Variants in RBFOX1 observed in about 807,000 individuals in gnomAD.
The protein encoded by RBFOX1 is RNA binding fox-1 homolog 1.
A neutral mutation model predicts 57.7 loss-of-function variants in RBFOX1; 8 were observed. The observed-to-expected ratio is 0.14, with a 90% confidence interval of 0.08 to 0.25. RBFOX1 has a LOEUF of 0.25. Ranked by LOEUF, RBFOX1 falls within the 10% of genes least tolerant of loss-of-function variation. RBFOX1 has a pLI of 1.00. For synonymous variants in RBFOX1, 326 were observed against 222.4 expected, an observed-to-expected ratio of 1.47 and a Z score of -4.15; for missense variants, 611 against 548.5, an observed-to-expected ratio of 1.11 and a Z score of -1.14.
chr16:6,647,116 C>G (rs1312644280), intron 2 of RBFOX1, among the ~76,000 whole-genome samples: 1 of 152,176 alleles, frequency 6.6e-6, no homozygotes, highest in Non-Finnish European at 1.5e-5. Context: ...CTCTTCCTGG[C>G]TTGTAGTCAG....
intron 3 of RBFOX1, among the ~76,000 whole-genome samples, chr16:6,888,183 T>A (rs190628945): frequency 6.6e-6 from 1 of 152,296 alleles, no homozygotes; most frequent in Admixed American, 6.5e-5. Flanking sequence ...TTTTGAACAT[T>A]TTATTTCTTT....
chr16:5,244,923 G>A (rs2062259467), intron 1 of RBFOX1, among the ~76,000 whole-genome samples: 1 of 152,248 alleles, frequency 6.6e-6, no homozygotes, highest in Admixed American at 6.5e-5. Flanking sequence ...AGTGGGGGCT[G>A]TGTTGCCCTG....
chr16:6,028,509 TAAAA>T (rs36218292), intron 1 of RBFOX1, among the ~76,000 whole-genome samples: 65 of 104,514 alleles, frequency 6.2e-4, no homozygotes, highest in Non-Finnish European at 3.9e-4. Context: ...CTGTCTCTGT[TAAAA>T]AAAAAAAAAA....
At chr16:7,323,619 C>G (rs560902947) in intron 4 of RBFOX1, among the ~76,000 whole-genome samples, 1 of 152,202 alleles carries the variant, frequency 6.6e-6, no homozygotes, top group Non-Finnish European at 1.5e-5. Context: ...TTCACTTCCC[C>G]TCTCATGGTC....
At chr16:6,249,308 C>G (rs914405541) in intron 1 of RBFOX1, among the ~76,000 whole-genome samples, 3 of 152,046 alleles carry the variant, frequency 2.0e-5, no homozygotes, top group Non-Finnish European at 4.4e-5. Context: ...AGATGGATCA[C>G]GAGGTCAGGA....
At chr16:6,111,697 C>A (rs529343619) in intron 1 of RBFOX1, among the ~76,000 whole-genome samples, 2 of 152,214 alleles carry the variant, frequency 1.3e-5, no homozygotes, top group Admixed American at 1.3e-4. Flanking sequence ...GAGTTTAATT[C>A]TGGGGCAAAA....
At chr16:7,358,845 C>T (rs746458407) in intron 4 of RBFOX1, among the ~76,000 whole-genome samples, 2 of 152,198 alleles carry the variant, frequency 1.3e-5, no homozygotes, top group African/African-American at 4.8e-5. Flanking sequence ...GACTTATCTA[C>T]ATAATACGAG....
chr16:6,885,611 C>T (rs564057094), intron 3 of RBFOX1, among the ~76,000 whole-genome samples: 2 of 151,930 alleles, frequency 1.3e-5, no homozygotes, highest in South Asian at 2.1e-4. Context: ...GGCTCACTGC[C>T]ACCTCTGCCT....
Position 6,680,616 on chromosome 16 carries a change from T to TA in RBFOX1, c.-16+25970dup, listed in dbSNP as rs2058508403. Among the ~76,000 whole-genome samples the TA allele has an allele frequency of 2.0e-5, 3 of 152,308 alleles. 1 individual carries two copies. The South Asian group carries it at 6.2e-4, about 32-fold the overall frequency. On this transcript the variant is annotated intron_variant, in intron 3 of 15. Coordinates refer to ENST00000550418, the MANE Select transcript of RBFOX1 (RefSeq NM_018723.4). ...AGATGATTTGACTTGAGTTTTATTC[T>TA]AAAATAACAATAAAGTTTCAATTTT... is the stretch of plus-strand genomic sequence containing the variant.
upstream of RBFOX1, among the ~76,000 whole-genome samples, chr16:6,015,581 C>T (rs2094988548): frequency 6.6e-6 from 1 of 152,222 alleles, no homozygotes; most frequent in African/African-American, 2.4e-5. Flanking sequence ...CATTGTCCAG[C>T]CCCTTAACTT....
At chr16:5,579,814 C>T (rs115558497) in intron 2 of RBFOX1, among the ~76,000 whole-genome samples, 2,010 of 151,254 alleles carry the variant, frequency 0.013, 59 homozygotes, top group African/African-American at 0.046. Context: ...GGCTGGGGTG[C>T]AGTCACTCGA....
chr16:6,121,807 T>C (rs1477243730), intron 1 of RBFOX1, among the ~76,000 whole-genome samples: 1 of 152,206 alleles, frequency 6.6e-6, no homozygotes, highest in East Asian at 1.9e-4. Flanking sequence ...AAGGAATAAC[T>C]AATGGTACCT....
intron 1 of RBFOX1, among the ~76,000 whole-genome samples, chr16:6,049,773 C>A (rs1301762871): frequency 1.3e-5 from 2 of 152,252 alleles, no homozygotes; most frequent in East Asian, 3.9e-4. Context: ...ATTTGCATTT[C>A]CCCTTGCCCC....
intron 2 of RBFOX1, among the ~76,000 whole-genome samples, chr16:5,470,983 C>T (rs562937281): frequency 6.6e-6 from 1 of 152,160 alleles, no homozygotes; most frequent in Non-Finnish European, 1.5e-5. Context: ...TCCTAAGTAG[C>T]TGGGATGACA....
intron 3 of RBFOX1, among the ~76,000 whole-genome samples, chr16:7,024,955 C>T (rs1368593949): frequency 6.6e-6 from 1 of 152,106 alleles, no homozygotes; most frequent in African/African-American, 2.4e-5. Flanking sequence ...ACAGGACATT[C>T]ACAGGCCACA....
chr16:7,445,780 G>T (rs1006796573), intron 4 of RBFOX1, among the ~76,000 whole-genome samples: 2 of 152,150 alleles, frequency 1.3e-5, no homozygotes, highest in Non-Finnish European at 2.9e-5. Context: ...CCCAAAGACT[G>T]ATATCCCAAA....
chr16:6,240,025 T>C (rs1043243534), intron 1 of RBFOX1, among the ~76,000 whole-genome samples: 1 of 152,132 alleles, frequency 6.6e-6, no homozygotes, highest in Non-Finnish European at 1.5e-5. Flanking sequence ...GGCTTGGTGC[T>C]GTCTTCATGA....
intron 3 of RBFOX1, among the ~76,000 whole-genome samples, chr16:7,037,320 T>C (rs547415300): frequency 7.5e-6 from 1 of 133,822 alleles, no homozygotes; most frequent in African/African-American, 2.8e-5. Context: ...TGGCTCACCA[T>C]AACCTCCACT....
At chr16:6,861,009 C>T (rs1231958110) in intron 3 of RBFOX1, among the ~76,000 whole-genome samples, 1 of 152,062 alleles carries the variant, frequency 6.6e-6, no homozygotes, top group African/African-American at 2.4e-5. Context: ...GTAAGTTCAG[C>T]AGTATGCCCA....
Sources: allele counts gnomAD v4.1 joint callset (sites outside exome capture counted in the v4.1 genomes callset), GRCh38; gene constraint gnomAD v4.1.1; transcripts MANE v1.5; gene names NCBI Gene and HGNC (gene_info 2026-07-23, HGNC 2026-07-21).